CD99L2: variants seen among roughly 807,000 people sequenced by gnomAD.
CD99L2 encodes the protein CD99 molecule like 2.
In CD99L2, 24 loss-of-function variants were observed where a neutral mutation model predicts 27.3. That is an observed-to-expected ratio of 0.88 (90% CI 0.64 to 1.24). The LOEUF is 1.24. CD99L2 is among the 50% of genes most tolerant of loss of function. The pLI is 0.00. For missense variants in CD99L2, 255 were observed against 221.6 expected (o/e 1.15, Z -0.96); for synonymous variants, 97 against 87.9 (o/e 1.10, Z -0.58).
intron 1 of CD99L2, among the ~76,000 whole-genome samples, chrX:150,870,407 A>G (rs782467678): frequency 1.8e-5 from 2 of 111,975 alleles, no homozygotes; most frequent in South Asian, 7.5e-4. Context: ...CCTTCATGGT[A>G]CTAAACTGCC....
At chrX:150,887,494 A>T (rs980171804) in intron 1 of CD99L2, among the ~76,000 whole-genome samples, 5 of 107,016 alleles carry the variant, frequency 4.7e-5, no homozygotes, top group East Asian at 5.8e-4. Context: ...ATAAAATAAA[A>T]AAATAAAGCT....
At chrX:150,778,581 G>C (rs897839969) in intron 7 of CD99L2, among the ~76,000 whole-genome samples, 27 of 106,216 alleles carry the variant, frequency 2.5e-4, no homozygotes, top group Non-Finnish European at 4.2e-4. Flanking sequence ...AAAAAATAAA[G>C]CCTATTAAAA....
intron 2 of CD99L2, among the ~76,000 whole-genome samples, chrX:150,825,790 G>GA (rs1243977847): frequency 8.9e-6 from 1 of 112,198 alleles, no homozygotes; most frequent in Non-Finnish European, 1.9e-5. Flanking sequence ...GACAAACTCA[G>GA]AAAAAATTCT....
Position 150,771,684 on chromosome X carries a change from G to A in CD99L2, c.656-1315C>T, listed in dbSNP as rs185747700. 2.1e-3 allele frequency: 1,674 copies of A among 815,663 alleles called. 16 individuals are homozygous for A. The African/African-American group carries it at 0.027, about 13-fold the overall frequency. 67.2% of individuals were successfully genotyped at this position (815,663 alleles called of 1,213,427 possible). A position where few individuals can be genotyped will look rare whatever the true frequency, so the allele number is the denominator to read the frequency against. Reference sequence around the variant, plus strand: ...TAAAGATGGTCCTGGTTACAGCCACGTCGGTGAGTGCCAGGGAAGCAGGAG... The same window carrying A: ...TAAAGATGGTCCTGGTTACAGCCACATCGGTGAGTGCCAGGGAAGCAGGAG... On this transcript the variant is annotated intron_variant, in intron 9 of 10. Transcript: ENST00000370377.
At chrX:150,795,323 A>G (rs1184624198) in intron 5 of CD99L2, 34 bp from the exon 6 acceptor site, 6 of 1,206,164 alleles carry the variant, frequency 5.0e-6, no homozygotes, top group Non-Finnish European at 6.7e-6. Context: ...GAAATACTCA[A>G]TTAGTTCATC....
chrX:150,768,688 A>G lies in CD99L2; in HGVS notation c.*346T>C, dbSNP rs782119917. On this transcript the variant is annotated 3_prime_UTR_variant, in exon 11 of 11. Coordinates refer to ENST00000370377, the MANE Select transcript of CD99L2 (RefSeq NM_031462.4). ...CCTTGAGTTCAAACTCTTGTCCCCTAAGCATAAATGTCATCAGGCCTCAGC... is the reference window on the plus strand; with the variant it reads ...CCTTGAGTTCAAACTCTTGTCCCCTGAGCATAAATGTCATCAGGCCTCAGC... 9 of 238,126 alleles carry G rather than the reference A, an allele frequency of 3.8e-5. No homozygotes were observed. The highest frequency in any genetic ancestry group is 2.6e-4 in the African/African-American group (9 of 34,925). 19.6% of individuals were successfully genotyped at this position (238,126 alleles called of 1,213,427 possible). A position where few individuals can be genotyped will look rare whatever the true frequency, so the allele number is the denominator to read the frequency against.
intron 2 of CD99L2, among the ~76,000 whole-genome samples, chrX:150,827,360 C>T (rs782191519): frequency 1.2e-3 from 128 of 111,298 alleles, no homozygotes; most frequent in Non-Finnish European, 1.9e-3. Context: ...CATTCAAACA[C>T]ATACATCACA....
At chrX:150,845,753 G>A (rs1260634245) in intron 1 of CD99L2, among the ~76,000 whole-genome samples, 1 of 112,024 alleles carries the variant, frequency 8.9e-6, no homozygotes, top group Non-Finnish European at 1.9e-5. Context: ...GGTATAAGGT[G>A]GATGGCATGA....
At chrX:150,888,022 T>A (rs2047441766) in intron 1 of CD99L2, among the ~76,000 whole-genome samples, 1 of 111,796 alleles carries the variant, frequency 8.9e-6, no homozygotes, top group Admixed American at 9.5e-5. Flanking sequence ...CAGTTTTAAA[T>A]GATGGCTAAG....
chrX:150,781,120 G>T (rs2045503270), intron 7 of CD99L2, among the ~76,000 whole-genome samples: 1 of 111,662 alleles, frequency 9.0e-6, no homozygotes, highest in Non-Finnish European at 1.9e-5. Context: ...ACAAAAATAG[G>T]GTCCTGGTGA....
At position 150,766,925 on chromosome X, in the gene CD99L2, C is replaced by T. The variant is rs41313412; in HGVS notation, c.*2109G>A. The T allele has an allele frequency of 2.2e-3, 241 of 111,742 alleles. 3 individuals carry two copies. The Middle Eastern group carries it at 0.023, about 11-fold the overall frequency. The allele number at this position is 111,742 out of a possible 1,213,427, so 9.2% of individuals were successfully genotyped here. On this transcript the variant is annotated 3_prime_UTR_variant, in exon 11 of 11. Coordinates refer to ENST00000370377, the MANE Select transcript of CD99L2 (RefSeq NM_031462.4). Reference sequence around the variant, plus strand: ...GGCTTTGTGCAGAAAGCACCCGGGGCGGGGGGCGGTAAGGGAGAGCAAAAT... The same window carrying T: ...GGCTTTGTGCAGAAAGCACCCGGGGTGGGGGGCGGTAAGGGAGAGCAAAAT...
intron 1 of CD99L2, among the ~76,000 whole-genome samples, chrX:150,884,746 T>C (rs1332797425): frequency 6.2e-5 from 7 of 112,019 alleles, no homozygotes; most frequent in South Asian, 3.7e-4. Flanking sequence ...AGAAGTCTCA[T>C]AGGCCCCCAC....
intron 7 of CD99L2, among the ~76,000 whole-genome samples, chrX:150,792,309 A>C (rs1002724543): frequency 2.7e-5 from 3 of 112,310 alleles, no homozygotes; most frequent in Non-Finnish European, 5.6e-5. Flanking sequence ...TCAGACTTTC[A>C]TTCATGTGTG....
intron 7 of CD99L2, among the ~76,000 whole-genome samples, chrX:150,778,471 G>A (rs1340290984): frequency 1.1e-5 from 1 of 94,503 alleles, no homozygotes; most frequent in African/African-American, 3.9e-5. Flanking sequence ...GGGTGGGGGG[G>A]TATTGATAGT....
intron 1 of CD99L2, among the ~76,000 whole-genome samples, chrX:150,839,122 C>T (rs2046583750): frequency 9.0e-6 from 1 of 110,945 alleles, no homozygotes; most frequent in South Asian, 3.8e-4. Flanking sequence ...AGACCCAAAG[C>T]TCAAAGTAGG....
At chrX:150,869,604 T>C (rs2047122691) in intron 1 of CD99L2, among the ~76,000 whole-genome samples, 1 of 112,180 alleles carries the variant, frequency 8.9e-6, no homozygotes, top group South Asian at 3.7e-4. Context: ...CCCTTCAGAG[T>C]GCCCTGAGTG....
At chrX:150,883,354 A>C (rs1369124983) in intron 1 of CD99L2, among the ~76,000 whole-genome samples, 1 of 111,623 alleles carries the variant, frequency 9.0e-6, no homozygotes, top group African/African-American at 3.3e-5. Context: ...CAATCTTCCA[A>C]GGCAGGCAAA....
intron 9 of CD99L2, chrX:150,771,948 A>G (rs1256607839): frequency 2.6e-6 from 2 of 756,934 alleles, no homozygotes; most frequent in Non-Finnish European, 3.8e-6. Flanking sequence ...GCCTTTTGGC[A>G]GCAGCAGAGG....
At chrX:150,887,177 G>A (rs1557422649) in intron 1 of CD99L2, among the ~76,000 whole-genome samples, 1 of 108,908 alleles carries the variant, frequency 9.2e-6, no homozygotes. Context: ...CAGGTGTGGT[G>A]GCTCACGCCT....
Sources: allele counts gnomAD v4.1 joint callset (sites outside exome capture counted in the v4.1 genomes callset), GRCh38; gene constraint gnomAD v4.1.1; transcripts MANE v1.5; gene names NCBI Gene and HGNC (gene_info 2026-07-23, HGNC 2026-07-21).